The following SGCD variants were observed in gnomAD, a reference collection of about 807,000 sequenced individuals.
SGCD encodes the protein sarcoglycan delta, also known as delta-sarcoglycan.
A neutral mutation model predicts 36.6 loss-of-function variants in SGCD; 18 were observed. That is an observed-to-expected ratio of 0.49 (90% confidence interval 0.34 to 0.73). The LOEUF is 0.73. Ranked by LOEUF, SGCD falls within the 30% of genes least tolerant of loss-of-function variation. The pLI, the probability that SGCD is intolerant of heterozygous loss-of-function variation, is 0.01. For synonymous variants in SGCD, 133 were observed against 130.6 expected (o/e 1.02, Z -0.12); for missense variants, 387 against 346.7 (o/e 1.12, Z -0.92).
At chr5:155,955,709 C>T (rs1039667966) in intron 1 of SGCD, among the ~76,000 whole-genome samples, 42 of 152,010 alleles carry the variant, frequency 2.8e-4, no homozygotes, top group African/African-American at 7.5e-4. Flanking sequence ...ATAGATCTGC[C>T]ATTACTCTGA....
At chr5:156,264,052 A>G (rs1172966221) in intron 3 of SGCD, among the ~76,000 whole-genome samples, 2 of 147,218 alleles carry the variant, frequency 1.4e-5, no homozygotes, top group Admixed American at 6.7e-5. Flanking sequence ...GATTGATTGT[A>G]AAAAAAAAGA....
chr5:156,729,786 C>T (rs1015405519), intron 7 of SGCD, among the ~76,000 whole-genome samples: 2 of 152,162 alleles, frequency 1.3e-5, no homozygotes, highest in Non-Finnish European at 2.9e-5. Flanking sequence ...CCCATGTCCC[C>T]CTCTCCTCAG....
chr5:155,852,780 G>C, the SGCD span, among the ~76,000 whole-genome samples: 1 of 152,120 alleles, frequency 6.6e-6, no homozygotes, highest in African/African-American at 2.4e-5. Context: ...GTTGTTGTTT[G>C]TAGGCCTTGA....
intron 4 of SGCD, among the ~76,000 whole-genome samples, chr5:156,525,336 C>A (rs144176376): frequency 2.2e-3 from 342 of 152,092 alleles, no homozygotes; most frequent in African/African-American, 8.1e-3. Flanking sequence ...GTGCTGAACA[C>A]CTTTTCATAT....
At chr5:155,839,275 T>C in the SGCD span, among the ~76,000 whole-genome samples, 8 of 152,178 alleles carry the variant, frequency 5.3e-5, no homozygotes, top group Admixed American at 5.2e-4. Flanking sequence ...ATCAAACAGA[T>C]TTTAGTTTTA....
At chr5:155,904,447 T>A (rs1484066867) in intron 1 of SGCD, among the ~76,000 whole-genome samples, 2 of 152,226 alleles carry the variant, frequency 1.3e-5, no homozygotes, top group African/African-American at 4.8e-5. Context: ...ATCACCACAA[T>A]AACTTCCTTC....
intron 7 of SGCD, among the ~76,000 whole-genome samples, chr5:156,690,926 G>C (rs752077800): frequency 5.9e-5 from 9 of 152,136 alleles, no homozygotes; most frequent in Non-Finnish European, 1.2e-4. Context: ...GAGATCCAGA[G>C]CCGGGTGCAA....
At chr5:156,720,940 T>C (rs1755464804) in intron 7 of SGCD, among the ~76,000 whole-genome samples, 1 of 152,140 alleles carries the variant, frequency 6.6e-6, no homozygotes, top group African/African-American at 2.4e-5. Context: ...ATGGCAGCAG[T>C]AGACATTTCG....
intron 3 of SGCD, among the ~76,000 whole-genome samples, chr5:156,242,984 G>T (rs1363999555): frequency 6.6e-6 from 1 of 152,200 alleles, no homozygotes; most frequent in South Asian, 2.1e-4. Context: ...GGTCATGCAG[G>T]TTGCCTTTGA....
In SGCD at chr5:156,683,353, G is replaced by T. The variant is rs551492786; in HGVS notation, c.575+35817G>T. On this transcript the variant is annotated intron_variant, in intron 7 of 8. Transcript: ENST00000337851. ...TTAGCCAAAAGCATCATGCGGACAGGGTAACTTTTCTTTCCTCTCTATTTT... is the reference window on the plus strand; with the variant it reads ...TTAGCCAAAAGCATCATGCGGACAGTGTAACTTTTCTTTCCTCTCTATTTT... Among the ~76,000 whole-genome samples the T allele has an allele frequency of 1.1e-3, 174 of 152,240 alleles. No individual in the cohort carries two copies. In the Middle Eastern group the frequency reaches 0.014, roughly 12 times the overall value.
intron 3 of SGCD, among the ~76,000 whole-genome samples, chr5:156,500,088 G>A (rs1001292429): frequency 6.6e-6 from 1 of 152,086 alleles, no homozygotes; most frequent in Non-Finnish European, 1.5e-5. Flanking sequence ...TAAAAATTTT[G>A]TATGCGTCCA....
chr5:156,171,639 G>C (rs1763349233), intron 3 of SGCD, among the ~76,000 whole-genome samples: 1 of 152,106 alleles, frequency 6.6e-6, no homozygotes, highest in Admixed American at 6.5e-5. Context: ...TAAGATGTTA[G>C]CATTAGAAGA....
At chr5:156,307,940 A>G (rs1305722223) in intron 3 of SGCD, among the ~76,000 whole-genome samples, 1 of 152,092 alleles carries the variant, frequency 6.6e-6, no homozygotes, top group African/African-American at 2.4e-5. Flanking sequence ...AAATGTTACA[A>G]TAACACTAGC....
chr5:156,558,837 T>G (rs1759153505), intron 4 of SGCD, among the ~76,000 whole-genome samples: 1 of 152,198 alleles, frequency 6.6e-6, no homozygotes, highest in Non-Finnish European at 1.5e-5. Context: ...GTGAAAACAC[T>G]GTTTCTGTCT....
intron 3 of SGCD, among the ~76,000 whole-genome samples, chr5:156,500,954 G>C (rs1363025053): frequency 2.0e-5 from 3 of 152,154 alleles, no homozygotes; most frequent in Non-Finnish European, 4.4e-5. Context: ...CAGTGGGAAG[G>C]CCTCTGGGAG....
At chr5:156,287,862 ACACTC>A (rs2127676327) in intron 3 of SGCD, among the ~76,000 whole-genome samples, 1 of 152,124 alleles carries the variant, frequency 6.6e-6, no homozygotes, top group African/African-American at 2.4e-5. Flanking sequence ...TCACATCACT[ACACTC>A]CAGCCTGAGT....
chr5:156,315,866 A>G (rs1767504141), intron 3 of SGCD, among the ~76,000 whole-genome samples: 1 of 152,004 alleles, frequency 6.6e-6, no homozygotes, highest in African/African-American at 2.4e-5. Flanking sequence ...TTGGGAAAAT[A>G]TTCATATCTT....
intron 2 of SGCD, among the ~76,000 whole-genome samples, chr5:156,340,087 C>A (rs967884967): frequency 3.9e-5 from 6 of 152,186 alleles, no homozygotes; most frequent in Non-Finnish European, 7.3e-5. Context: ...ACATAACCTA[C>A]AAACCCAAGT....
chr5:155,761,676 A>C, the SGCD span, among the ~76,000 whole-genome samples: 14 of 102,048 alleles, frequency 1.4e-4, no homozygotes, highest in South Asian at 6.4e-4. Context: ...CTCCATCATC[A>C]TCTCCATCAT....
Sources: allele counts gnomAD v4.1 joint callset (sites outside exome capture counted in the v4.1 genomes callset), GRCh38; gene constraint gnomAD v4.1.1; transcripts MANE v1.5; gene names NCBI Gene and HGNC (gene_info 2026-07-23, HGNC 2026-07-21).